Variants in TPO observed in about 807,000 individuals in gnomAD.
TPO encodes the protein thyroid microsomal antigen.
A neutral mutation model predicts 96.9 loss-of-function variants in TPO; 78 were observed. The ratio of observed to expected loss-of-function variants is 0.81; its 90% CI spans 0.67 to 0.97. The LOEUF (loss-of-function observed/expected upper bound fraction) is 0.97, where lower values mean the gene tolerates loss of function less well. Ranked by LOEUF, TPO falls within the 50% of genes least tolerant of loss-of-function variation. The pLI, the probability that TPO is intolerant of heterozygous loss-of-function variation, is 0.00. For synonymous variants in TPO, 547 were observed against 538.0 expected, an observed-to-expected ratio of 1.02 and a Z score of -0.23; for missense variants, 1,252 against 1,274.8, an observed-to-expected ratio of 0.98 and a Z score of 0.27.
At chr2:1,476,201 A>AT (rs1237299489) in intron 7 of TPO, among the ~76,000 whole-genome samples, 1 of 152,174 alleles carries the variant, frequency 6.6e-6, no homozygotes, top group Non-Finnish European at 1.5e-5. Context: ...CTTCAGGAAG[A>AT]GTCTCTTTCG....
At chr2:1,386,878 C>T (rs899138062) in intron 1 of TPO, among the ~76,000 whole-genome samples, 1 of 152,174 alleles carries the variant, frequency 6.6e-6, no homozygotes, top group African/African-American at 2.4e-5. Flanking sequence ...TTTAGTGCTT[C>T]CTTCAGGAAC....
Position 1,540,795 on chromosome 2 carries a change from C to T in TPO, c.2748+72C>T, listed in dbSNP as rs749566072. 2.2e-5 allele frequency: 36 copies of T among 1,611,804 alleles called. No homozygotes were observed. In the Admixed American group the frequency reaches 4.0e-4, roughly 18 times the overall value. ...GGACAGGATCTGGGTGTCGGAGCAG[C>T]TCTGCTGGGGCTCCCTGCATATTTC... On this transcript the variant is annotated intron_variant, in intron 16 of 16. Coordinates refer to ENST00000329066, the MANE Select transcript of TPO (RefSeq NM_001206744.2).
upstream of TPO, among the ~76,000 whole-genome samples, chr2:1,411,390 C>G (rs924347785): frequency 6.6e-6 from 1 of 152,136 alleles, no homozygotes; most frequent in Admixed American, 6.5e-5. Context: ...TGCATGCAAA[C>G]CCCCTCTTCC....
chr2:1,404,864 C>A (rs972123673), intron 1 of TPO, among the ~76,000 whole-genome samples: 1 of 152,106 alleles, frequency 6.6e-6, no homozygotes, highest in Non-Finnish European at 1.5e-5. Flanking sequence ...TAATCCAGTC[C>A]TTTTTTCTTA....
intron 5 of TPO, among the ~76,000 whole-genome samples, chr2:1,446,568 A>T (rs567351058): frequency 6.6e-5 from 10 of 152,318 alleles, no homozygotes; most frequent in African/African-American, 2.4e-4. Context: ...GAGCACTTTT[A>T]AAATACATTC....
chr2:1,375,291 G>A (rs887081943), intron 1 of TPO, among the ~76,000 whole-genome samples: 1 of 152,086 alleles, frequency 6.6e-6, no homozygotes, highest in Non-Finnish European at 1.5e-5. Context: ...GGTCGTGAAA[G>A]GGAGGATTTA....
At chr2:1,484,963 T>A (rs1670996006) in intron 9 of TPO, 109 bp downstream of exon 9, 1 of 1,513,858 alleles carries the variant, frequency 6.6e-7, no homozygotes, top group Non-Finnish European at 8.9e-7. Context: ...ACGTGCAGGT[T>A]TGTTACGTAG....
chr2:1,463,340 C>T (rs1668617036), intron 7 of TPO, among the ~76,000 whole-genome samples: 1 of 152,156 alleles, frequency 6.6e-6, no homozygotes, highest in South Asian at 2.1e-4. Context: ...GCTCCATAAA[C>T]CCAATAGATG....
intron 15 of TPO, among the ~76,000 whole-genome samples, chr2:1,523,310 AGC>A (rs1675615742): frequency 2.7e-4 from 1 of 3,728 alleles, no homozygotes; most frequent in Non-Finnish European, 4.4e-4. Context: ...CCCCACTGTG[AGC>A]AACCTCCCCA....
chr2:1,500,559 C>T (rs912481838), intron 13 of TPO, among the ~76,000 whole-genome samples: 3 of 152,264 alleles, frequency 2.0e-5, no homozygotes, highest in South Asian at 4.1e-4. Context: ...TCTGCGGCTA[C>T]AGAAAGGAAG....
intron 5 of TPO, chr2:1,438,743 G>A: frequency 1.4e-6 from 1 of 699,980 alleles, no homozygotes; most frequent in Admixed American, 2.1e-5. Flanking sequence ...TCTAAATCTT[G>A]CTTGATTTGC....
At chr2:1,476,013 C>A (rs972042728) in intron 7 of TPO, among the ~76,000 whole-genome samples, 1 of 152,234 alleles carries the variant, frequency 6.6e-6, no homozygotes, top group African/African-American at 2.4e-5. Flanking sequence ...CTGCACCGCA[C>A]GGCACCGAGC....
At chr2:1,501,281 C>T (rs536090603) in intron 13 of TPO, among the ~76,000 whole-genome samples, 3 of 150,934 alleles carry the variant, frequency 2.0e-5, no homozygotes, top group Admixed American at 6.6e-5. Flanking sequence ...GGCCACTCTT[C>T]TTGAAACTCA....
intron 14 of TPO, among the ~76,000 whole-genome samples, chr2:1,505,754 C>G (rs1673381350): frequency 1.3e-5 from 2 of 152,036 alleles, no homozygotes; most frequent in South Asian, 4.2e-4. Context: ...CTCAACAGGC[C>G]CCAGTGTGTG....
intron 3 of TPO, among the ~76,000 whole-genome samples, chr2:1,429,683 A>G (rs1405506190): frequency 6.6e-6 from 1 of 152,222 alleles, no homozygotes; most frequent in Admixed American, 6.5e-5. Flanking sequence ...AACTGGAGGT[A>G]GAGGCCGCCT....
intron 15 of TPO, among the ~76,000 whole-genome samples, chr2:1,524,368 C>T (rs1675926548): frequency 7.4e-6 from 1 of 134,810 alleles, no homozygotes; most frequent in Non-Finnish European, 1.6e-5. Context: ...CCACTCTGTT[C>T]AACCTCCCCA....
intron 3 of TPO, among the ~76,000 whole-genome samples, chr2:1,430,053 A>C (rs1932842135): frequency 6.6e-6 from 1 of 152,224 alleles, no homozygotes; most frequent in Admixed American, 6.5e-5. Context: ...AAGTGCTACT[A>C]TCCAAGACAA....
intron 1 of TPO, among the ~76,000 whole-genome samples, chr2:1,376,684 T>A (rs143801894): frequency 6.6e-6 from 1 of 152,104 alleles, no homozygotes; most frequent in Middle Eastern, 3.2e-3. Context: ...CCCAGACCCA[T>A]GACCGAGCAC....
chr2:1,377,276 C>T (rs1177110898), intron 1 of TPO, among the ~76,000 whole-genome samples: 1 of 152,148 alleles, frequency 6.6e-6, no homozygotes, highest in Non-Finnish European at 1.5e-5. Flanking sequence ...AAGTCGTATG[C>T]ATTGGAATAC....
Sources: gnomAD v4.1 joint callset for allele counts (sites outside exome capture counted in the v4.1 genomes callset) on GRCh38, gnomAD v4.1.1 for gene constraint, MANE v1.5 for transcripts, NCBI Gene and HGNC (gene_info 2026-07-23, HGNC 2026-07-21) for gene names.